ABCC2: variants seen among roughly 807,000 people sequenced by gnomAD.
ABCC2 encodes ATP-binding cassette sub-family C member 2.
In ABCC2, 157 loss-of-function variants were observed where a neutral mutation model predicts 173.4. That is an observed-to-expected ratio of 0.91 (90% CI 0.80 to 1.03). The LOEUF (loss-of-function observed/expected upper bound fraction) is 1.03. ABCC2 is among the 50% of genes least tolerant of loss of function. The pLI is 0.00. For missense variants in ABCC2, 1,822 were observed against 1,852.3 expected, an observed-to-expected ratio of 0.98 and a Z score of 0.30; for synonymous variants, 657 against 693.5, an observed-to-expected ratio of 0.95 and a Z score of 0.83.
At chr10:99,827,133 T>C (rs866461715) in intron 19 of ABCC2, among the ~76,000 whole-genome samples, 52 of 139,122 alleles carry the variant, frequency 3.7e-4, no homozygotes, top group Non-Finnish European at 2.4e-4. Flanking sequence ...TGGATATCCA[T>C]ACTGACTTTC....
Position 99,831,767 on chromosome 10 carries a change from G to T in ABCC2, c.3040G>T (p.Asp1014Tyr). The change falls in exon 22 of 32, where the codon GAC (aspartate) becomes TAC (tyrosine). Residue 1014 changes from aspartate to tyrosine, a missense_variant. Coordinates refer to ENST00000647814, the MANE Select transcript of ABCC2 (RefSeq NM_000392.5). ...TGACTCTAAAATCTTCAATAGCACCGACTATCCAGCATCTCAGAGGGACAT... is the reference window on the plus strand; with the variant it reads ...TGACTCTAAAATCTTCAATAGCACCTACTATCCAGCATCTCAGAGGGACAT... Reference protein sequence around the residue: ...TSDSKIFNSTDYPASQRDMRV... With the variant: ...TSDSKIFNSTYYPASQRDMRV... 1 of 1,614,118 alleles carries T rather than the reference G, an allele frequency of 6.2e-7. No homozygotes were observed. Among genetic ancestry groups the T allele is most frequent in the Non-Finnish European group, 8.5e-7 (1 of 1,180,020 alleles).
At chr10:99,785,554 T>A (rs1169342452) in intron 2 of ABCC2, among the ~76,000 whole-genome samples, 1 of 152,194 alleles carries the variant, frequency 6.6e-6, no homozygotes, top group Non-Finnish European at 1.5e-5. Context: ...TCTCACTCTG[T>A]TGCCCAGGCT....
chr10:99,840,864 C>T (rs1047451142), intron 25 of ABCC2, among the ~76,000 whole-genome samples: 2 of 151,892 alleles, frequency 1.3e-5, no homozygotes, highest in African/African-American at 4.8e-5. Flanking sequence ...ACCCCTCATC[C>T]TCTTAAGCAA....
rs1021492494 is a variant in ABCC2 at position 99,806,599 on chromosome 10, A to G, written c.1531-785A>G. Among the ~76,000 whole-genome samples the G allele has an allele frequency of 3.3e-5, 5 of 152,240 alleles. No homozygotes were observed. The East Asian group carries it at 7.7e-4, about 23-fold the overall frequency. ...GGAATTGCAAAAGAGTGAAATTTTTAAATTCTGTTATTCCCTTGACATTGA... is the reference window on the plus strand; with the variant it reads ...GGAATTGCAAAAGAGTGAAATTTTTGAATTCTGTTATTCCCTTGACATTGA... On this transcript the variant is annotated intron_variant, in intron 11 of 31. Coordinates refer to ENST00000647814, the MANE Select transcript of ABCC2 (RefSeq NM_000392.5).
intron 19 of ABCC2, among the ~76,000 whole-genome samples, chr10:99,828,616 A>G (rs1315662851): frequency 6.6e-6 from 1 of 152,036 alleles, no homozygotes; most frequent in East Asian, 1.9e-4. Context: ...TCATTTCCTG[A>G]ACTAATTCTG....
intron 14 of ABCC2, among the ~76,000 whole-genome samples, chr10:99,810,803 T>A (rs539894499): frequency 6.6e-6 from 1 of 152,278 alleles, no homozygotes; most frequent in South Asian, 2.1e-4. Context: ...GGTGGGTGGA[T>A]CACCTGAGGT....
chr10:99,848,101 T>C (rs939585026), intron 30 of ABCC2, among the ~76,000 whole-genome samples: 8 of 152,134 alleles, frequency 5.3e-5, no homozygotes, highest in African/African-American at 1.9e-4. Flanking sequence ...GAGGCTAGAC[T>C]GGACATAGGG....
intron 25 of ABCC2, 79 bp downstream of exon 25, chr10:99,836,369 C>A (rs2038824990): frequency 7.0e-7 from 1 of 1,429,696 alleles, no homozygotes; most frequent in Non-Finnish European, 9.8e-7. Context: ...GGAGGGCAGG[C>A]ATGGCTAGTG....
intron 7 of ABCC2, chr10:99,798,198 G>A (rs2037954454): frequency 6.6e-6 from 1 of 152,288 alleles, no homozygotes; most frequent in South Asian, 2.1e-4. Flanking sequence ...CCCAGAGGAT[G>A]GATCGTTGTG....
At chr10:99,784,505 T>A in intron 1 of ABCC2, 103 bp from the exon 2 acceptor site, 1 of 1,207,090 alleles carries the variant, frequency 8.3e-7, no homozygotes, top group Non-Finnish European at 1.2e-6. Flanking sequence ...GATATGGATA[T>A]GGAGTTGAAT....
rs1239570049 is a variant in ABCC2 at position 99,814,284 on chromosome 10, T to C, written c.2094+1140T>C. Among the ~76,000 whole-genome samples, 5 of 77,764 alleles carry C rather than the reference T, an allele frequency of 6.4e-5. 1 individual carries two copies. The highest frequency in any genetic ancestry group is 3.9e-4 in the South Asian group (1 of 2,564). 51.0% of individuals were successfully genotyped at this position (77,764 alleles called of 152,430 possible). On this transcript the variant is annotated intron_variant, in intron 16 of 31. Coordinates refer to ENST00000647814, the MANE Select transcript of ABCC2 (RefSeq NM_000392.5). ...ACACGTATGTATACACACGTATGTA[T>C]ACACACACGTATGTATACACACATG...
Position 99,836,183 on chromosome 10 carries a change from T to C in ABCC2, c.3507T>C (p.Gly1169=). The C allele has an allele frequency of 3.1e-6, 5 of 1,614,204 alleles. No individual in the cohort carries two copies. Among genetic ancestry groups the C allele is most frequent in the Non-Finnish European group, 4.2e-6 (5 of 1,180,040 alleles). Residue 1169 remains glycine, a synonymous_variant, in exon 25 of 32, where the codon GGT becomes GGC. Transcript: ENST00000647814. The stretch of plus-strand genomic sequence containing the variant: ...CTCACTTCAGCGAGACCGTATCAGG[T>C]TTGCCAGTTATCCGTGCCTTTGAGC... The part of the protein sequence containing the change: ...IYSHFSETVS[G]LPVIRAFEHQ...
Position 99,832,132 on chromosome 10 carries a change from G to A in ABCC2, c.3258+1G>A, listed in dbSNP as rs762243203. The A allele has an allele frequency of 4.7e-5, 76 of 1,614,038 alleles. No homozygotes were observed. In the Admixed American group the frequency reaches 5.3e-4, roughly 11 times the overall value. ...CCGGATTGTGAACAGGTTTGCCGGC[G>A]TAAGTATCTCAAGAACTGTCAGGTG... On this transcript the variant is annotated splice_donor_variant, in intron 23 of 31. Coordinates refer to ENST00000647814, the MANE Select transcript of ABCC2 (RefSeq NM_000392.5). LOFTEE classifies it high-confidence loss of function.
At chr10:99,834,249 C>A (rs2038783510) in intron 23 of ABCC2, 131 bp from the exon 24 acceptor site, 1 of 946,790 alleles carries the variant, frequency 1.1e-6, no homozygotes, top group Admixed American at 2.0e-5. Context: ...CAAATGAACA[C>A]AATGAAATGA....
intron 25 of ABCC2, among the ~76,000 whole-genome samples, chr10:99,839,092 C>G (rs2038883527): frequency 2.2e-5 from 3 of 134,834 alleles, no homozygotes; most frequent in South Asian, 2.3e-4. Context: ...GGGGGCAGAC[C>G]CCCCCCCCAC....
rs537368151 is a variant in ABCC2, at chr10:99,807,466, C to T, written c.1613C>T (p.Ala538Val). The change falls in exon 12 of 32, where the codon GCC becomes GTC. Residue 538 changes from alanine to valine, a missense_variant. Transcript: ENST00000647814. ...AAGAAAGAGCTCAAGAACCTGCTGGCCTTTAGTCAACTACAGTGTGTAGTA... is the reference window on the plus strand; with the variant it reads ...AAGAAAGAGCTCAAGAACCTGCTGGTCTTTAGTCAACTACAGTGTGTAGTA... Reference protein sequence around the residue: ...LRKKELKNLLAFSQLQCVVIF... With the variant: ...LRKKELKNLLVFSQLQCVVIF... 1.2e-6 allele frequency: 2 copies of T among 1,614,090 alleles called. No homozygotes were observed. The highest frequency in any genetic ancestry group is 2.2e-5 in the South Asian group (2 of 91,086).
Position 99,836,216 on chromosome 10 carries a change from G to C in ABCC2, c.3540G>C (p.Gln1180His). The C allele has an allele frequency of 6.2e-7, 1 of 1,614,226 alleles. No homozygotes were observed. The highest frequency in any genetic ancestry group is 2.2e-5 in the East Asian group (1 of 44,886). ...LPVIRAFEHQ[Q>H]RFLKHNEVRI... is the part of the protein sequence containing the mutation. Reference sequence around the variant, plus strand: ...TTATCCGTGCCTTTGAGCACCAGCAGCGATTTCTGAAACACAATGAGGTGA... The same window carrying C: ...TTATCCGTGCCTTTGAGCACCAGCACCGATTTCTGAAACACAATGAGGTGA... Residue 1180 changes from glutamine (Q) to histidine (H), a missense_variant, in exon 25 of 32, where the codon CAG becomes CAC. By Grantham distance (24) the Gln-to-His change is conservative. Transcript: ENST00000647814.
chr10:99,798,344 G>A (rs1313656602), intron 7 of ABCC2, among the ~76,000 whole-genome samples: 1 of 152,172 alleles, frequency 6.6e-6, no homozygotes, highest in Non-Finnish European at 1.5e-5. Flanking sequence ...GGCAAGATGA[G>A]ACTCAGGAGG....
chr10:99,832,402 C>A (rs59688725), intron 23 of ABCC2, among the ~76,000 whole-genome samples: 1 of 151,736 alleles, frequency 6.6e-6, no homozygotes, highest in Non-Finnish European at 1.5e-5. Flanking sequence ...AAACCAGTAA[C>A]AGCAGTGTGT....
Sources: gnomAD v4.1 joint callset for allele counts (sites outside exome capture counted in the v4.1 genomes callset) on GRCh38, gnomAD v4.1.1 for gene constraint, MANE v1.5 for transcripts, NCBI Gene and HGNC (gene_info 2026-07-23, HGNC 2026-07-21) for gene names.